UGT1A1: variants seen among roughly 807,000 people sequenced by gnomAD.
UGT1A1 encodes the protein UDP glucuronosyltransferase family 1 member A1.
UGT1A1 carries 33 observed loss-of-function variants against 40.6 expected under a neutral mutation model. That is an observed-to-expected ratio of 0.81 (90% confidence interval 0.62 to 1.09). The LOEUF is 1.09. Ranked by LOEUF, UGT1A1 falls within the 50% of genes least tolerant of loss-of-function variation. UGT1A1 has a pLI of 0.00. For missense variants in UGT1A1, 694 were observed against 671.2 expected, an observed-to-expected ratio of 1.03 and a Z score of -0.38; for synonymous variants, 249 against 265.0, an observed-to-expected ratio of 0.94 and a Z score of 0.59.
At position 233,769,494 on chromosome 2, in the gene UGT1A1, A is replaced by C. The variant is rs761998450; in HGVS notation, c.1304+1055A>C. On this transcript the variant is annotated intron_variant, in intron 4 of 4. Coordinates refer to ENST00000305208, the MANE Select transcript of UGT1A1 (RefSeq NM_000463.3). The surrounding 1 kb of genome is among the most constrained non-coding windows in gnomAD (Gnocchi z 4.4). Reference sequence around the variant, plus strand: ...GTGTGTGTGTGCGTGTGTTTATGAGAGTGTCCATTGCTTTCTCCCATGGTT... The same window carrying C: ...GTGTGTGTGTGCGTGTGTTTATGAGCGTGTCCATTGCTTTCTCCCATGGTT... 1.9e-6 allele frequency: 3 copies of C among 1,612,660 alleles called. No individual in the cohort carries two copies. Among genetic ancestry groups the C allele is most frequent in the South Asian group, 2.2e-5 (2 of 91,046 alleles).
At chr2:233,770,026 C>T (rs371960443) in intron 4 of UGT1A1, 2 of 158,948 alleles carry the variant, frequency 1.3e-5, no homozygotes, top group South Asian at 1.9e-4. Flanking sequence ...TTTCCCTGCA[C>T]TGTTGAAGCT....
At position 233,761,074 on chromosome 2, in the gene UGT1A1, G is replaced by C. The variant is rs1315793944; in HGVS notation, c.787G>C (p.Asp263His). Residue 263 changes from aspartate (D) to histidine (H), a missense_variant, in exon 1 of 5, where the codon GAT becomes CAT. Asp to His is a moderately conservative substitution (Grantham distance 81, BLOSUM62 -1). Coordinates refer to ENST00000305208, the MANE Select transcript of UGT1A1 (RefSeq NM_000463.3). ...GCTGTTTAGAAGTGACTTTGTGAAG[G>C]ATTACCCTAGGCCCATCATGCCCAA... ...VWLFRSDFVK[D>H]YPRPIMPNMV... is the part of the protein sequence containing the mutation. The C allele has an allele frequency of 1.2e-6, 2 of 1,614,148 alleles. No homozygotes were observed. Among genetic ancestry groups the C allele is most frequent in the Admixed American group, 1.7e-5 (1 of 60,028 alleles).
chr2:233,772,294 T>C lies in UGT1A1; in HGVS notation c.1337T>C (p.Leu446Pro). 6.2e-7 allele frequency: 1 copy of C among 1,614,228 alleles called. No individual in the cohort carries two copies. Among genetic ancestry groups the C allele is most frequent in the Non-Finnish European group, 8.5e-7 (1 of 1,180,042 alleles). Reference protein sequence around the residue: ...YKENIMRLSSLHKDRPVEPLD... With the variant: ...YKENIMRLSSPHKDRPVEPLD... Reference sequence around the variant, plus strand: ...GAGAACATCATGCGCCTCTCCAGCCTTCACAAGGACCGCCCGGTGGAGCCG... The same window carrying C: ...GAGAACATCATGCGCCTCTCCAGCCCTCACAAGGACCGCCCGGTGGAGCCG... The change falls in exon 5 of 5, where the codon CTT becomes CCT. Residue 446 changes from leucine to proline, a missense_variant. Coordinates refer to ENST00000305208, the MANE Select transcript of UGT1A1 (RefSeq NM_000463.3).
intron 1 of UGT1A1, 44 bp from the exon 2 acceptor site, chr2:233,766,990 G>T: frequency 1.2e-6 from 2 of 1,613,182 alleles, no homozygotes; most frequent in Non-Finnish European, 8.5e-7. Context: ...AGTCATCAAA[G>T]AATATGAGAA....
Position 233,760,877 on chromosome 2 carries a change from T to C in UGT1A1, c.590T>C (p.Leu197Pro). 1 of 1,614,134 alleles carries C rather than the reference T, an allele frequency of 6.2e-7. No individual in the cohort carries two copies. The highest frequency in any genetic ancestry group is 1.1e-5 in the South Asian group (1 of 91,078). ...CCATTCTCCTACGTGCCCAGGCCTC[T>C]CTCCTCTCATTCAGATCACATGACC... ...PNPFSYVPRPLSSHSDHMTFL... is the reference protein window; with the variant it reads ...PNPFSYVPRPPSSHSDHMTFL... Residue 197 changes from leucine (L) to proline (P), a missense_variant, in exon 1 of 5, where the codon CTC becomes CCC. Leu to Pro is a moderately conservative substitution (Grantham distance 98). Transcript: ENST00000305208.
rs779218106 is a variant in UGT1A1, at chr2:233,760,520, C to T, written c.233C>T (p.Thr78Met). The T allele has an allele frequency of 6.8e-6, 11 of 1,614,230 alleles. No individual in the cohort carries two copies. Among genetic ancestry groups the T allele is most frequent in the South Asian group, 5.5e-5 (5 of 91,086 alleles). Residue 78 changes from threonine (T) to methionine (M), a missense_variant, in exon 1 of 5, where the codon ACG becomes ATG. By Grantham distance (81) the Thr-to-Met change is moderately conservative. Transcript: ENST00000305208. ...GACGGAGCATTTTACACCTTGAAGA[C>T]GTACCCTGTGCCATTCCAAAGGGAG... is the stretch of plus-strand genomic sequence containing the variant. ...IRDGAFYTLK[T>M]YPVPFQREDV... is the part of the protein sequence containing the mutation.
At chr2:233,763,911 C>G (rs1698426001) in intron 1 of UGT1A1, among the ~76,000 whole-genome samples, 2 of 152,076 alleles carry the variant, frequency 1.3e-5, no homozygotes, top group Admixed American at 1.3e-4. Context: ...TAGTGAGGAC[C>G]AAGGCTTCGA....
At chr2:233,771,698 A>G (rs892218397) in intron 4 of UGT1A1, 1 of 152,738 alleles carries the variant, frequency 6.5e-6, no homozygotes, top group Non-Finnish European at 1.5e-5. Flanking sequence ...GAAGAAGAGT[A>G]GGAAGCAAGG....
rs145878694 is a variant in UGT1A1, at chr2:233,769,172, G to A, written c.1304+733G>A. On this transcript the variant is annotated intron_variant, in intron 4 of 4. Transcript: ENST00000305208. The surrounding 1 kb of genome is among the most constrained non-coding windows in gnomAD (Gnocchi z 4.4). ...GAACCTGTGAGAAATTTTGTCCATG[G>A]AGTTTATGAATGAAGGAGCTATAAG... Among the ~76,000 whole-genome samples the A allele has an allele frequency of 2.1e-4, 32 of 152,304 alleles. No homozygotes were observed. The East Asian group carries it at 5.0e-3, about 24-fold the overall frequency.
chr2:233,761,981 G>A (rs1697924435), intron 1 of UGT1A1, among the ~76,000 whole-genome samples: 1 of 152,178 alleles, frequency 6.6e-6, no homozygotes, highest in African/African-American at 2.4e-5. Context: ...CACCTTCGGA[G>A]GTGACCTTAT....
chr2:233,772,618 A>C lies in UGT1A1; in HGVS notation c.*59A>C. 6.4e-7 allele frequency: 1 copy of C among 1,572,114 alleles called. No homozygotes were observed. The highest frequency in any genetic ancestry group is 2.4e-5 in the East Asian group (1 of 42,372). ...CATTCCCTAGTCATTTCCAAACTTG[A>C]AAACAGAATCAGTGTTAAATTCATT... On this transcript the variant is annotated 3_prime_UTR_variant, in exon 5 of 5. Coordinates refer to ENST00000305208, the MANE Select transcript of UGT1A1 (RefSeq NM_000463.3).
intron 1 of UGT1A1, among the ~76,000 whole-genome samples, chr2:233,764,316 C>G (rs1044416342): frequency 6.6e-6 from 1 of 152,124 alleles, no homozygotes; most frequent in Non-Finnish European, 1.5e-5. Context: ...TTAAGGGAAG[C>G]TTTGCCAAGT....
intron 2 of UGT1A1, among the ~76,000 whole-genome samples, chr2:233,767,590 G>T (rs1451772167): frequency 6.6e-6 from 1 of 152,126 alleles, no homozygotes; most frequent in Middle Eastern, 3.2e-3. Context: ...CCCTTAAAGT[G>T]CAGGAAAGTG....
chr2:233,766,902 T>C, intron 1 of UGT1A1, 132 bp from the exon 2 acceptor site: 1 of 1,493,390 alleles, frequency 6.7e-7, no homozygotes, highest in Non-Finnish European at 8.9e-7. Flanking sequence ...ATTAATAATT[T>C]TTTACTCTAT....
rs4148324 is a variant in UGT1A1 at position 233,764,076 on chromosome 2, T to G, written c.864+2925T>G. ...GAAATGCATTTGGGAAGGGAAAATC[T>G]AATTAAAAGCCTAAACTAAAAATAC... On this transcript the variant is annotated intron_variant, in intron 1 of 4. Transcript: ENST00000305208. Among the ~76,000 whole-genome samples, 54,742 of 151,994 alleles carry G rather than the reference T, an allele frequency of 0.36. 10,244 individuals carry two copies. Among genetic ancestry groups the G allele is most frequent in the African/African-American group, 0.44 (18,411 of 41,456 alleles).
intron 1 of UGT1A1, among the ~76,000 whole-genome samples, chr2:233,763,609 C>T (rs1698356254): frequency 6.6e-6 from 1 of 152,206 alleles, no homozygotes; most frequent in Non-Finnish European, 1.5e-5. Context: ...TGCCACTCTG[C>T]ACTACCATTC....
At chr2:233,768,582 CTTT>C (rs139595073) in intron 4 of UGT1A1, 143 bp downstream of exon 4, 59,155 of 999,984 alleles carry the variant, frequency 0.059, 10 homozygotes, top group East Asian at 0.12. Flanking sequence ...TTTATTTCTT[CTTT>C]TTTTTTTTTT....
In UGT1A1 at chr2:233,761,665, G is replaced by C. The variant is rs555006913; in HGVS notation, c.864+514G>C. Among the ~76,000 whole-genome samples, 14 of 152,352 alleles carry C rather than the reference G, an allele frequency of 9.2e-5. No homozygotes were observed. The South Asian group carries it at 2.5e-3, about 27-fold the overall frequency. ...TTCTCTTCTAATGAGTGAATCACCA[G>C]ACAGTCAGGTTCTGACATGATACAG... On this transcript the variant is annotated intron_variant, in intron 1 of 4. Transcript: ENST00000305208.
Position 233,760,809 on chromosome 2 carries a change from A to G in UGT1A1, c.522A>G (p.Ala174=), listed in dbSNP as rs1407366507. 1 of 1,613,186 alleles carries G rather than the reference A, an allele frequency of 6.2e-7. No homozygotes were observed. Among genetic ancestry groups the G allele is most frequent in the South Asian group, 1.1e-5 (1 of 91,056 alleles). ...LSLPTVFFLH[A]LPCSLEFEAT... ...TGCCCACTGTATTCTTCTTGCATGCACTGCCATGCAGCCTGGAATTTGAGG... is the reference window on the plus strand; with the variant it reads ...TGCCCACTGTATTCTTCTTGCATGCGCTGCCATGCAGCCTGGAATTTGAGG... The change falls in exon 1 of 5, where the codon GCA becomes GCG. Residue 174 remains alanine (A), a synonymous_variant. Transcript: ENST00000305208.
Sources: allele counts gnomAD v4.1 joint callset (sites outside exome capture counted in the v4.1 genomes callset), GRCh38; gene constraint gnomAD v4.1.1; non-coding constraint Gnocchi (gnomAD v3.1); transcripts MANE v1.5; gene names NCBI Gene and HGNC (gene_info 2026-07-23, HGNC 2026-07-21).